Variants in TPX2 observed in about 807,000 individuals in gnomAD.
The protein encoded by TPX2 is targeting protein for Xklp2.
TPX2 carries 21 observed loss-of-function variants against 93.6 expected under a neutral mutation model. The ratio of observed to expected loss-of-function variants is 0.22; its 90% CI spans 0.16 to 0.32. TPX2 has a LOEUF of 0.32. TPX2 is among the 10% of genes least tolerant of loss of function. The pLI is 1.00. For synonymous variants in TPX2, 281 were observed against 298.3 expected, an observed-to-expected ratio of 0.94 and a Z score of 0.60; for missense variants, 776 against 871.1, an observed-to-expected ratio of 0.89 and a Z score of 1.37.
At chr20:31,750,001 G>A (rs1024077249) in intron 2 of TPX2, among the ~76,000 whole-genome samples, 3 of 151,844 alleles carry the variant, frequency 2.0e-5, no homozygotes, top group African/African-American at 2.4e-5. Context: ...GCAGTGGCAC[G>A]ATCTTGGCTC....
At chr20:31,770,031 C>G (rs964805559) in intron 5 of TPX2, among the ~76,000 whole-genome samples, 11 of 152,110 alleles carry the variant, frequency 7.2e-5, no homozygotes, top group African/African-American at 2.7e-4. Context: ...AACTCCTGGC[C>G]TCAAGCAGTC....
chr20:31,794,755 AGTGT>A (rs35018680), intron 15 of TPX2, among the ~76,000 whole-genome samples: 4,418 of 145,460 alleles, frequency 0.03, 67 homozygotes, highest in East Asian at 0.079. Flanking sequence ...TCTGTCGCAT[AGTGT>A]GTGTGTGTGT....
At chr20:31,764,954 G>T (rs958258304) in intron 4 of TPX2, among the ~76,000 whole-genome samples, 48 of 146,658 alleles carry the variant, frequency 3.3e-4, no homozygotes, top group African/African-American at 1.1e-3. Flanking sequence ...TTGTTTTTTT[G>T]TTTTTGTTTT....
At chr20:31,769,890 T>C (rs1278620871) in intron 5 of TPX2, among the ~76,000 whole-genome samples, 1 of 152,206 alleles carries the variant, frequency 6.6e-6, no homozygotes, top group African/African-American at 2.4e-5. Context: ...CTTGACCTCC[T>C]GGGCTCATGT....
At chr20:31,772,669 A>G (rs897793109) in intron 7 of TPX2, among the ~76,000 whole-genome samples, 4 of 152,206 alleles carry the variant, frequency 2.6e-5, no homozygotes, top group Non-Finnish European at 2.9e-5. Context: ...TTGACTTGCC[A>G]TGAGATTATT....
At chr20:31,743,318 C>T (rs1232805182) in intron 2 of TPX2, among the ~76,000 whole-genome samples, 1 of 152,134 alleles carries the variant, frequency 6.6e-6, no homozygotes, top group East Asian at 1.9e-4. Context: ...CTCTAGATTA[C>T]TTATAATACT....
chr20:31,747,841 A>G (rs1190923144), intron 2 of TPX2, among the ~76,000 whole-genome samples: 2 of 147,944 alleles, frequency 1.4e-5, no homozygotes, highest in Non-Finnish European at 3.0e-5. Context: ...GCAGGAAGGC[A>G]TCCAGTTCCC....
intron 11 of TPX2, 136 bp from the exon 12 acceptor site, chr20:31,783,569 T>C (rs1016174722): frequency 1.2e-5 from 11 of 889,600 alleles, no homozygotes; most frequent in Admixed American, 6.5e-5. Context: ...TTCGTTTTTA[T>C]TTATTTTATT....
At chr20:31,765,275 T>C (rs866133168) in intron 4 of TPX2, among the ~76,000 whole-genome samples, 12 of 140,624 alleles carry the variant, frequency 8.5e-5, no homozygotes, top group Middle Eastern at 4.1e-3. Context: ...CTGGGCAATA[T>C]ACTGAGACCC....
intron 5 of TPX2, 131 bp downstream of exon 5, chr20:31,766,813 T>G: frequency 9.6e-7 from 1 of 1,036,562 alleles, no homozygotes; most frequent in Non-Finnish European, 1.3e-6. Flanking sequence ...TTTTTTTTTT[T>G]TTTGAGACGG....
In TPX2 at chr20:31,760,050, T is replaced by A; in HGVS notation, c.107-7T>A. The A allele has an allele frequency of 6.2e-7, 1 of 1,612,270 alleles. No homozygotes were observed. Among genetic ancestry groups the A allele is most frequent in the Non-Finnish European group, 8.5e-7 (1 of 1,179,574 alleles). On this transcript the variant is annotated splice_region_variant and splice_polypyrimidine_tract_variant and intron_variant, in intron 3 of 17. Coordinates refer to ENST00000300403, the MANE Select transcript of TPX2 (RefSeq NM_012112.5). ...GATCAGACAATGATGATCTTCCCTT[T>A]TCACAGAGGAGAAGGCCAATTTGGA...
At chr20:31,755,067 G>A (rs2061843221) in intron 2 of TPX2, among the ~76,000 whole-genome samples, 1 of 152,130 alleles carries the variant, frequency 6.6e-6, no homozygotes. Flanking sequence ...TTATGCCTCA[G>A]CCTCCTGAGT....
At chr20:31,740,108 A>G (rs1472923758) in intron 1 of TPX2, among the ~76,000 whole-genome samples, 1 of 152,172 alleles carries the variant, frequency 6.6e-6, no homozygotes, top group Non-Finnish European at 1.5e-5. Context: ...GGAGGGGGGA[A>G]GGAAAACCAA....
Position 31,794,027 on chromosome 20 carries a change from A to G in TPX2, c.1686+3A>G. On this transcript the variant is annotated splice_donor_region_variant and intron_variant, in intron 14 of 17. Transcript: ENST00000300403. ...TAAAAGAACTGCAGAAAGGGGAGGTAGGTGTTTCCATTTCTGCAAGTAGTG... is the reference window on the plus strand; with the variant it reads ...TAAAAGAACTGCAGAAAGGGGAGGTGGGTGTTTCCATTTCTGCAAGTAGTG... 3.7e-6 allele frequency: 6 copies of G among 1,605,664 alleles called. No homozygotes were observed. Among genetic ancestry groups the G allele is most frequent in the Non-Finnish European group, 5.1e-6 (6 of 1,176,844 alleles).
At chr20:31,776,176 G>A (rs1459019309) in intron 8 of TPX2, among the ~76,000 whole-genome samples, 188 bp downstream of exon 8, 1 of 146,758 alleles carries the variant, frequency 6.8e-6, no homozygotes, top group East Asian at 2.1e-4. Context: ...CGCTTCCCAG[G>A]TTCACGCCAT....
intron 2 of TPX2, among the ~76,000 whole-genome samples, chr20:31,754,016 A>G (rs1374000134): frequency 6.6e-6 from 1 of 152,124 alleles, no homozygotes; most frequent in African/African-American, 2.4e-5. Context: ...ACAGAGCAAG[A>G]CACCATCTCA....
At chr20:31,798,588 TG>T (rs763495466) in intron 17 of TPX2, 36 bp downstream of exon 17, 2 of 1,551,104 alleles carry the variant, frequency 1.3e-6, no homozygotes, top group South Asian at 2.4e-5. Flanking sequence ...AACACAAACA[TG>T]CCTCTGTTTT....
In TPX2 at chr20:31,757,657, G is replaced by A. The variant is rs540470799; in HGVS notation, c.106+75G>A. 243 of 1,141,646 alleles carry A rather than the reference G, an allele frequency of 2.1e-4. 2 individuals carry two copies. The South Asian group carries it at 3.0e-3, about 14-fold the overall frequency. 70.7% of individuals were successfully genotyped at this position (1,141,646 alleles called of 1,614,324 possible). ...TGCTGAAGACCTTTCAATAATAGAA[G>A]GGGTTGCAAGAAAAGAACTAAAATA... On this transcript the variant is annotated intron_variant, in intron 3 of 17. Transcript: ENST00000300403.
intron 1 of TPX2, among the ~76,000 whole-genome samples, chr20:31,740,807 A>T (rs2061749256): frequency 6.6e-6 from 1 of 152,182 alleles, no homozygotes; most frequent in East Asian, 1.9e-4. Context: ...CTAATTCTTG[A>T]TAACCAGAGT....
Sources: gnomAD v4.1 joint callset for allele counts (sites outside exome capture counted in the v4.1 genomes callset) on GRCh38, gnomAD v4.1.1 for gene constraint, MANE v1.5 for transcripts, NCBI Gene and HGNC (gene_info 2026-07-23, HGNC 2026-07-21) for gene names.